CARS2: variants seen among roughly 807,000 people sequenced by gnomAD.
CARS2 encodes cysteinyl-tRNA synthetase 2, mitochondrial, also known as probable cysteine--tRNA ligase, mitochondrial.
A neutral mutation model predicts 68.8 loss-of-function variants in CARS2; 52 were observed. The observed-to-expected ratio is 0.76, with a 90% CI of 0.61 to 0.95. The LOEUF (loss-of-function observed/expected upper bound fraction) is 0.95. Among genes scored for constraint, CARS2 ranks in the 40% least tolerant of loss-of-function variants. CARS2 has a pLI of 0.00. For synonymous variants in CARS2, 314 were observed against 303.6 expected (o/e 1.03, Z -0.36); for missense variants, 780 against 754.2 (o/e 1.03, Z -0.40).
chr13:110,678,526 C>T (rs2063039860), intron 6 of CARS2, among the ~76,000 whole-genome samples: 1 of 152,186 alleles, frequency 6.6e-6, no homozygotes, highest in Non-Finnish European at 1.5e-5. Context: ...GGACAGGCTA[C>T]GTTTTCATTA....
intron 3 of CARS2, among the ~76,000 whole-genome samples, chr13:110,693,316 G>T (rs776849503): frequency 1.3e-5 from 2 of 151,974 alleles, no homozygotes; most frequent in Admixed American, 1.3e-4. Context: ...ACAAGGAGTT[G>T]TAAGTGGAAT....
intron 3 of CARS2, among the ~76,000 whole-genome samples, chr13:110,691,399 T>C (rs1354146261): frequency 6.6e-6 from 1 of 152,222 alleles, no homozygotes; most frequent in Non-Finnish European, 1.5e-5. Flanking sequence ...TTTATGGTTG[T>C]TTCATGAAAT....
In CARS2 at chr13:110,647,085, T is replaced by C; in HGVS notation, c.1193+16A>G. 6.4e-7 allele frequency: 1 copy of C among 1,559,488 alleles called. No homozygotes were observed. The highest frequency in any genetic ancestry group is 8.7e-7 in the Non-Finnish European group (1 of 1,152,668). ...ACAGGAGGGGTGCCACGCCGGGTGC[T>C]AGGCGGGCCTCTTACCTCTCCCACA... On this transcript the variant is annotated intron_variant, in intron 11 of 14. Transcript: ENST00000257347.
upstream of CARS2, among the ~76,000 whole-genome samples, chr13:110,709,223 T>C (rs1351139491): frequency 2.0e-5 from 3 of 151,850 alleles, no homozygotes; most frequent in Admixed American, 2.0e-4. Context: ...GTCTCCTGAG[T>C]AGCTGGGATT....
chr13:110,667,270 G>A, intron 8 of CARS2, 70 bp downstream of exon 8: 1 of 1,376,970 alleles, frequency 7.3e-7, no homozygotes, highest in Non-Finnish European at 1.0e-6. Context: ...TCCAAATGTA[G>A]CTGTTCCGCC....
chr13:110,689,681 GA>G (rs1468139345), intron 3 of CARS2, among the ~76,000 whole-genome samples: 1 of 152,138 alleles, frequency 6.6e-6, no homozygotes, highest in Non-Finnish European at 1.5e-5. Flanking sequence ...CTTTGTAAAA[GA>G]AAACATTACA....
At chr13:110,692,019 T>G (rs1341621942) in intron 3 of CARS2, among the ~76,000 whole-genome samples, 1 of 63,040 alleles carries the variant, frequency 1.6e-5, no homozygotes, top group Non-Finnish European at 4.0e-5. Context: ...TATATATATA[T>G]ATATACACAC....
intron 9 of CARS2, among the ~76,000 whole-genome samples, chr13:110,662,310 T>C (rs1351649928): frequency 1.0e-5 from 1 of 98,004 alleles, no homozygotes; most frequent in Non-Finnish European, 2.0e-5. Flanking sequence ...TGCAACCCCA[T>C]GGCCGGCTTC....
Position 110,647,079 on chromosome 13 carries a change from G to A in CARS2, c.1193+22C>T, listed in dbSNP as rs201421653. 166 of 1,548,672 alleles carry A rather than the reference G, an allele frequency of 1.1e-4. 1 individual carries two copies. In the Admixed American group the frequency reaches 2.7e-3, roughly 25 times the overall value. ...CAGGCCACAGGAGGGGTGCCACGCCGGGTGCTAGGCGGGCCTCTTACCTCT... is the reference window on the plus strand; with the variant it reads ...CAGGCCACAGGAGGGGTGCCACGCCAGGTGCTAGGCGGGCCTCTTACCTCT... On this transcript the variant is annotated intron_variant, in intron 11 of 14. Transcript: ENST00000257347.
At chr13:110,700,089 T>C (rs2063740191) in intron 3 of CARS2, among the ~76,000 whole-genome samples, 1 of 152,258 alleles carries the variant, frequency 6.6e-6, no homozygotes, top group African/African-American at 2.4e-5. Flanking sequence ...CCTGAAGGTC[T>C]GTGCAACCTC....
rs1352519427 is a variant in CARS2 at position 110,712,868 on chromosome 13, G to C, written n.399+269C>G. ...CCCTCTCAGGCCCCTTTGTCTCCAA[G>C]CCGTTCCAAACTGAGTACCGGGAGA... On this transcript the variant is annotated intron_variant and non_coding_transcript_variant, in intron 1 of 2. Coordinates refer to the CARS2 transcript ENST00000485188. 3 of 1,308,076 alleles carry C rather than the reference G, an allele frequency of 2.3e-6. No individual in the cohort carries two copies. In the South Asian group the frequency reaches 3.8e-5, roughly 16 times the overall value. The allele number at this position is 1,308,076 out of a possible 1,614,324, so 81.0% of individuals were successfully genotyped here.
chr13:110,687,189 G>T (rs140975583), intron 5 of CARS2, among the ~76,000 whole-genome samples: 2,015 of 152,104 alleles, frequency 0.013, 25 homozygotes, highest in South Asian at 0.041. Context: ...CTGTCCAGAC[G>T]TTCCCCTCTC....
At chr13:110,643,872 C>T (rs141196335) in intron 13 of CARS2, 75 of 257,118 alleles carry the variant, frequency 2.9e-4, no homozygotes, top group African/African-American at 1.4e-3. Context: ...TGAGTTACAA[C>T]GGAAGAGAAG....
At chr13:110,677,428 C>T (rs1226561209) in intron 6 of CARS2, among the ~76,000 whole-genome samples, 2 of 150,096 alleles carry the variant, frequency 1.3e-5, no homozygotes, top group Admixed American at 6.6e-5. Context: ...AACCCAATCA[C>T]CCCCACCATG....
At chr13:110,643,938 G>A (rs766366526) in intron 13 of CARS2, 91 of 335,184 alleles carry the variant, frequency 2.7e-4, no homozygotes, top group Non-Finnish European at 4.4e-4. Flanking sequence ...GGTGAGCCTC[G>A]CTGGGAAGGT....
At chr13:110,690,594 C>T (rs984775872) in intron 3 of CARS2, among the ~76,000 whole-genome samples, 12 of 152,204 alleles carry the variant, frequency 7.9e-5, no homozygotes, top group South Asian at 2.1e-4. Flanking sequence ...CGTGCTTACC[C>T]GGTCCTGTCC....
rs1186413977 is a variant in CARS2, at chr13:110,670,933, C to A, written c.786-3460G>T. 3.3e-5 allele frequency among the ~76,000 whole-genome samples: 5 copies of A among 152,004 alleles called. No homozygotes were observed. The highest frequency in any genetic ancestry group is 7.3e-5 in the Non-Finnish European group (5 of 68,030). On this transcript the variant is annotated intron_variant, in intron 7 of 14. Transcript: ENST00000257347. This position sits in a 1 kb window ranked among gnomAD's most constrained non-coding sequence, Gnocchi z 4.1. ...GTGATGCATGCACAAGCTTCAGTAG[C>A]CGATTTGATCAAGTGGAAGAAAGGG...
intron 9 of CARS2, among the ~76,000 whole-genome samples, chr13:110,652,500 G>A (rs1311450066): frequency 6.6e-6 from 1 of 152,102 alleles, no homozygotes; most frequent in African/African-American, 2.4e-5. Flanking sequence ...CAGCGGCCTC[G>A]CCCACCCAGT....
intron 3 of CARS2, among the ~76,000 whole-genome samples, chr13:110,700,662 A>G (rs1328820313): frequency 1.3e-5 from 2 of 152,288 alleles, no homozygotes; most frequent in East Asian, 3.8e-4. Flanking sequence ...TCTGCGCAGC[A>G]CACAGGGTTG....
Sources: gnomAD v4.1 joint callset for allele counts (sites outside exome capture counted in the v4.1 genomes callset) on GRCh38, gnomAD v4.1.1 for gene constraint, Gnocchi (gnomAD v3.1) non-coding constraint, MANE v1.5 for transcripts, NCBI Gene and HGNC (gene_info 2026-07-23, HGNC 2026-07-21) for gene names.